The following DPP6 variants were observed in gnomAD, a reference collection of about 807,000 sequenced individuals.
DPP6 encodes dipeptidyl peptidase like 6, also known as A-type potassium channel modulatory protein DPP6.
In DPP6, 69 loss-of-function variants were observed where a neutral mutation model predicts 122.6. The ratio of observed to expected loss-of-function variants is 0.56; its 90% CI spans 0.46 to 0.69. DPP6 has a LOEUF of 0.69. Among genes scored for constraint, DPP6 ranks in the 30% least tolerant of loss-of-function variants. The probability of loss-of-function intolerance (pLI) is 0.00; values close to 1 mark genes in which losing one functional copy is unlikely to be tolerated. For synonymous variants in DPP6, 418 were observed against 433.1 expected (o/e 0.97, Z 0.43); for missense variants, 928 against 1,116.9 (o/e 0.83, Z 2.41).
At chr7:153,767,733 G>C in the DPP6 span, among the ~76,000 whole-genome samples, 64,158 of 151,860 alleles carry the variant, frequency 0.42, 13,932 homozygotes, top group South Asian at 0.52. Flanking sequence ...GGGAAACATT[G>C]ATGTCTTATT....
At chr7:154,472,889 A>G (rs1197363345) in intron 2 of DPP6, among the ~76,000 whole-genome samples, 1 of 152,236 alleles carries the variant, frequency 6.6e-6, no homozygotes. Context: ...GTGTTTTAAA[A>G]ATACCTTTAA....
rs2131510037 is a variant in DPP6, at chr7:154,760,497, T to C, written c.884-8920T>C. On this transcript the variant is annotated intron_variant, in intron 8 of 25. Coordinates refer to ENST00000377770, the MANE Select transcript of DPP6 (RefSeq NM_130797.4). This position sits in a 1 kb window ranked among gnomAD's most constrained non-coding sequence, Gnocchi z 4.5. ...TGTTTCAGCAGGTTGTTTCTATTCT[T>C]GTCTGCCATTCTGCGAGCTCAAGAA... is the stretch of plus-strand genomic sequence containing the variant. Among the ~76,000 whole-genome samples the C allele has an allele frequency of 1.3e-5, 2 of 152,328 alleles. No individual in the cohort carries two copies. The highest frequency in any genetic ancestry group is 3.9e-4 in the East Asian group (2 of 5,178).
At chr7:154,018,891 A>C (rs1334597787) in intron 1 of DPP6, among the ~76,000 whole-genome samples, 1 of 152,222 alleles carries the variant, frequency 6.6e-6, no homozygotes, top group East Asian at 1.9e-4. Flanking sequence ...TGGCATTTCT[A>C]CCACAATGTA....
At chr7:154,104,984 T>C (rs1806046423) in intron 1 of DPP6, among the ~76,000 whole-genome samples, 1 of 152,200 alleles carries the variant, frequency 6.6e-6, no homozygotes, top group South Asian at 2.1e-4. Flanking sequence ...GGTTTGAGGC[T>C]GGGAGTGGTG....
At chr7:153,835,289 A>G in the DPP6 span, among the ~76,000 whole-genome samples, 1 of 152,200 alleles carries the variant, frequency 6.6e-6, no homozygotes, top group African/African-American at 2.4e-5. Context: ...TGTTGTAAAA[A>G]TAAAGGCTGT....
At position 154,603,671 on chromosome 7, in the gene DPP6, A is replaced by G. The variant is rs1422952832; in HGVS notation, c.628-34150A>G. 4.4e-5 allele frequency among the ~76,000 whole-genome samples: 5 copies of G among 113,028 alleles called. 1 individual carries two copies. The highest frequency in any genetic ancestry group is 1.4e-4 in the African/African-American group (5 of 36,122). The allele number at this position is 113,028 out of a possible 152,430, so 74.2% of individuals were successfully genotyped here. Reference sequence around the variant, plus strand: ...AACTCTGTCTCAAAAAAAAAAAAAAAAAAAAAAAAAAATTATTTCAGGCTC... The same window carrying G: ...AACTCTGTCTCAAAAAAAAAAAAAAGAAAAAAAAAAAATTATTTCAGGCTC... On this transcript the variant is annotated intron_variant, in intron 5 of 25. Transcript: ENST00000377770.
intron 1 of DPP6, among the ~76,000 whole-genome samples, chr7:154,264,095 T>C (rs763739322): frequency 6.6e-6 from 1 of 152,218 alleles, no homozygotes; most frequent in Non-Finnish European, 1.5e-5. Context: ...AACCCTCTTC[T>C]TTAACACAAT....
chr7:154,147,797 G>T (rs1040791583), intron 1 of DPP6, among the ~76,000 whole-genome samples: 1 of 152,096 alleles, frequency 6.6e-6, no homozygotes, highest in Non-Finnish European at 1.5e-5. Context: ...GCCTGCCTCA[G>T]CCTCCCAAAG....
intron 21 of DPP6, among the ~76,000 whole-genome samples, chr7:154,882,659 T>C (rs1281443959): frequency 6.6e-6 from 1 of 151,902 alleles, no homozygotes; most frequent in Non-Finnish European, 1.5e-5. Flanking sequence ...TGTTCTGCAG[T>C]TTCCCCCCCG....
At chr7:154,326,980 G>A (rs1051745137) in intron 1 of DPP6, among the ~76,000 whole-genome samples, 6 of 152,288 alleles carry the variant, frequency 3.9e-5, no homozygotes, top group East Asian at 1.9e-4. Context: ...GCAAAAAGGC[G>A]TGTGTCAGAG....
At chr7:154,652,037 T>C (rs1473288191) in intron 6 of DPP6, among the ~76,000 whole-genome samples, 5 of 152,184 alleles carry the variant, frequency 3.3e-5, no homozygotes, top group Non-Finnish European at 7.3e-5. Flanking sequence ...GGTTGAGCTC[T>C]GTAGTGCGTG....
At chr7:154,372,408 A>G (rs1586085773) in intron 1 of DPP6, among the ~76,000 whole-genome samples, 2 of 152,242 alleles carry the variant, frequency 1.3e-5, no homozygotes, top group African/African-American at 4.8e-5. Flanking sequence ...CCCCTGCCCC[A>G]CCATGAGTCG....
At chr7:153,873,180 G>A in the DPP6 span, among the ~76,000 whole-genome samples, 1 of 152,154 alleles carries the variant, frequency 6.6e-6, no homozygotes, top group Non-Finnish European at 1.5e-5. Context: ...TTAACAACCG[G>A]CTCCCATGGG....
chr7:154,063,675 CCCAGCGGGGGGA>C (rs1802446700), intron 1 of DPP6, among the ~76,000 whole-genome samples: 1 of 112,074 alleles, frequency 8.9e-6, no homozygotes, highest in Non-Finnish European at 1.8e-5. Context: ...GGACCCCCAT[CCCAGCGGGGGGA>C]GGCACCTCCC....
At chr7:153,832,273 C>T in the DPP6 span, among the ~76,000 whole-genome samples, 15 of 152,256 alleles carry the variant, frequency 9.9e-5, no homozygotes, top group Middle Eastern at 3.4e-3. Flanking sequence ...TCGATTTAAA[C>T]GAAAGCAAGG....
At position 154,637,822 on chromosome 7, in the gene DPP6, T is replaced by G; in HGVS notation, c.629T>G (p.Ile210Arg). ...YALFSYNVEP[I>R]YQHSYTGYYV... Reference sequence around the variant, plus strand: ...TTTTTTCCTTTTTGTCTGTTGCAGATATATCAACACTCGTATACTGGATAT... The same window carrying G: ...TTTTTTCCTTTTTGTCTGTTGCAGAGATATCAACACTCGTATACTGGATAT... The change falls in exon 6 of 26, where the codon ATA (isoleucine) becomes AGA (arginine). Residue 210 changes from isoleucine (I) to arginine (R), a missense_variant and splice_region_variant. Coordinates refer to ENST00000377770, the MANE Select transcript of DPP6 (RefSeq NM_130797.4). 1 of 1,578,604 alleles carries G rather than the reference T, an allele frequency of 6.3e-7. No individual in the cohort carries two copies.
intron 1 of DPP6, among the ~76,000 whole-genome samples, chr7:154,364,149 C>G (rs915952439): frequency 2.6e-5 from 4 of 152,106 alleles, no homozygotes; most frequent in African/African-American, 4.8e-5. Context: ...CAAATATAAC[C>G]AGTAAAAACA....
At chr7:154,528,142 T>G (rs1427898871) in intron 3 of DPP6, among the ~76,000 whole-genome samples, 1 of 152,198 alleles carries the variant, frequency 6.6e-6, no homozygotes, top group East Asian at 1.9e-4. Flanking sequence ...CTAGATATAT[T>G]GCACATGAAA....
intron 1 of DPP6, among the ~76,000 whole-genome samples, chr7:153,928,979 GGA>G (rs898237637): frequency 6.6e-6 from 1 of 152,104 alleles, no homozygotes; most frequent in Non-Finnish European, 1.5e-5. Flanking sequence ...GATCTTGGTG[GGA>G]GAGGTCAGAG....
Sources: allele counts gnomAD v4.1 joint callset (sites outside exome capture counted in the v4.1 genomes callset), GRCh38; gene constraint gnomAD v4.1.1; non-coding constraint Gnocchi (gnomAD v3.1); transcripts MANE v1.5; gene names NCBI Gene and HGNC (gene_info 2026-07-23, HGNC 2026-07-21).